The following CDYL2 variants were observed in gnomAD, a reference collection of about 807,000 sequenced individuals.
CDYL2 encodes chromodomain Y like 2, also known as chromodomain Y-like protein 2.
CDYL2 carries 23 observed loss-of-function variants against 49.4 expected under a neutral mutation model. That is an observed-to-expected ratio of 0.47 (90% CI 0.34 to 0.66). CDYL2 has a LOEUF of 0.66. CDYL2 is among the 30% of genes least tolerant of loss of function. The pLI, the probability that CDYL2 is intolerant of heterozygous loss-of-function variation, is 0.01. For missense variants in CDYL2, 678 were observed against 656.4 expected (o/e 1.03, Z -0.36); for synonymous variants, 360 against 268.8 (o/e 1.34, Z -3.32).
intron 2 of CDYL2, among the ~76,000 whole-genome samples, chr16:80,643,005 A>G (rs1908169517): frequency 6.6e-6 from 1 of 152,132 alleles, no homozygotes; most frequent in African/African-American, 2.4e-5. Flanking sequence ...CATTAACCCA[A>G]AAGTCCACAG....
chr16:80,784,324 C>T (rs764857550), intron 1 of CDYL2, among the ~76,000 whole-genome samples: 1 of 151,890 alleles, frequency 6.6e-6, no homozygotes, highest in Non-Finnish European at 1.5e-5. Context: ...CCACTTTAAC[C>T]CATTATCCAG....
At chr16:80,707,515 T>C (rs137938355) in intron 1 of CDYL2, among the ~76,000 whole-genome samples, 11 of 152,280 alleles carry the variant, frequency 7.2e-5, no homozygotes, top group African/African-American at 2.6e-4. Flanking sequence ...AAGACCATCC[T>C]TGTTCAAGAT....
intron 1 of CDYL2, among the ~76,000 whole-genome samples, chr16:80,761,853 G>A (rs1382886333): frequency 2.0e-5 from 3 of 147,472 alleles, no homozygotes; most frequent in Non-Finnish European, 4.5e-5. Context: ...AATAACATGT[G>A]AATGTTCAAT....
At chr16:80,658,716 G>T (rs962372574) in intron 2 of CDYL2, among the ~76,000 whole-genome samples, 3 of 152,112 alleles carry the variant, frequency 2.0e-5, no homozygotes, top group African/African-American at 4.8e-5. Flanking sequence ...AGGCTTAGAA[G>T]AAATGAAACC....
intron 2 of CDYL2, chr16:80,662,673 G>A (rs1467800996): frequency 2.2e-6 from 1 of 453,048 alleles, no homozygotes; most frequent in South Asian, 1.6e-5. Flanking sequence ...GTCTAATACA[G>A]TAGGTGGAAT....
chr16:80,624,128 A>G (rs1050232166), intron 3 of CDYL2, among the ~76,000 whole-genome samples: 1 of 152,102 alleles, frequency 6.6e-6, no homozygotes, highest in Admixed American at 6.5e-5. Context: ...AGACTACACA[A>G]TGTCTCTTGG....
At chr16:80,757,189 C>T (rs563385998) in intron 1 of CDYL2, among the ~76,000 whole-genome samples, 52 of 152,234 alleles carry the variant, frequency 3.4e-4, no homozygotes, top group Admixed American at 9.2e-4. Flanking sequence ...TCAACTAAGA[C>T]AAGCAGACTT....
intron 2 of CDYL2, among the ~76,000 whole-genome samples, chr16:80,673,856 C>G (rs1237600391): frequency 6.6e-6 from 1 of 151,978 alleles, no homozygotes; most frequent in Non-Finnish European, 1.5e-5. Flanking sequence ...TCACATAAGT[C>G]CTTGTAAGAG....
At chr16:80,685,319 C>T (rs1469219615) in intron 1 of CDYL2, among the ~76,000 whole-genome samples, 190 bp from the exon 2 acceptor site, 3 of 152,212 alleles carry the variant, frequency 2.0e-5, no homozygotes, top group African/African-American at 7.2e-5. Flanking sequence ...TATTTTACGA[C>T]ATCACTGGAT....
chr16:80,641,280 T>G (rs2142404493), intron 2 of CDYL2, among the ~76,000 whole-genome samples: 1 of 152,086 alleles, frequency 6.6e-6, no homozygotes, highest in East Asian at 1.9e-4. Flanking sequence ...AGTGGAAACC[T>G]TACAGGCCAG....
intron 1 of CDYL2, among the ~76,000 whole-genome samples, chr16:80,780,752 T>C (rs548601555): frequency 3.6e-4 from 55 of 152,256 alleles, no homozygotes; most frequent in African/African-American, 1.3e-3. Flanking sequence ...CCACATCATT[T>C]CGAATACTAT....
chr16:80,616,907 C>T (rs1003931536), intron 4 of CDYL2, among the ~76,000 whole-genome samples: 4 of 152,206 alleles, frequency 2.6e-5, no homozygotes, highest in African/African-American at 9.7e-5. Flanking sequence ...AGCTAATAGG[C>T]ACAGAGAGAT....
intron 1 of CDYL2, among the ~76,000 whole-genome samples, chr16:80,710,730 T>C (rs956550335): frequency 3.9e-5 from 6 of 152,086 alleles, no homozygotes; most frequent in Non-Finnish European, 8.8e-5. Flanking sequence ...CTTAATGTTA[T>C]AATACTGCTT....
At chr16:80,647,059 C>T (rs547759571) in intron 2 of CDYL2, among the ~76,000 whole-genome samples, 130 of 152,048 alleles carry the variant, frequency 8.5e-4, no homozygotes, top group Non-Finnish European at 1.5e-3. Context: ...TTTCTATATG[C>T]CAACAGTAAA....
chr16:80,768,091 C>G (rs910658010), intron 1 of CDYL2, among the ~76,000 whole-genome samples: 5 of 152,198 alleles, frequency 3.3e-5, no homozygotes, highest in Middle Eastern at 3.2e-3. Context: ...CCCATTCCCC[C>G]ACTGCCACAC....
In CDYL2 at chr16:80,602,057, C is replaced by T. The variant is rs1906111984; in HGVS notation, c.*2331G>A. 2 of 152,298 alleles carry T rather than the reference C, an allele frequency of 1.3e-5. No individual in the cohort carries two copies. Among genetic ancestry groups the T allele is most frequent in the Middle Eastern group, 3.4e-3 (1 of 294 alleles). The allele number at this position is 152,298 out of a possible 1,614,324, so 9.4% of individuals were successfully genotyped here. A position where few individuals can be genotyped will look rare whatever the true frequency, so the allele number is the denominator to read the frequency against. On this transcript the variant is annotated 3_prime_UTR_variant, in exon 7 of 7. Coordinates refer to ENST00000570137, the MANE Select transcript of CDYL2 (RefSeq NM_152342.4). ...GATGCTGAATATAACTGCGCCCAAT[C>T]AGAAGTTCAACAGAAAAGAGGGGGC...
chr16:80,753,531 T>C (rs988101578), intron 1 of CDYL2, among the ~76,000 whole-genome samples: 1 of 151,948 alleles, frequency 6.6e-6, no homozygotes, highest in Non-Finnish European at 1.5e-5. Context: ...TCACTTGAAC[T>C]GGGGAGGTGA....
At chr16:80,729,885 G>C (rs1387188784) in intron 1 of CDYL2, among the ~76,000 whole-genome samples, 1 of 152,074 alleles carries the variant, frequency 6.6e-6, no homozygotes, top group Non-Finnish European at 1.5e-5. Context: ...CAGAAATAAA[G>C]ATGTTCTTTG....
At chr16:80,710,547 G>C (rs546055713) in intron 1 of CDYL2, among the ~76,000 whole-genome samples, 1 of 152,310 alleles carries the variant, frequency 6.6e-6, no homozygotes, top group East Asian at 1.9e-4. Context: ...TAACTGAAAA[G>C]ACTATGTAAC....
Sources: gnomAD v4.1 joint callset for allele counts (sites outside exome capture counted in the v4.1 genomes callset) on GRCh38, gnomAD v4.1.1 for gene constraint, MANE v1.5 for transcripts, NCBI Gene and HGNC (gene_info 2026-07-23, HGNC 2026-07-21) for gene names.